Variants in STK4 observed in about 807,000 individuals in gnomAD.
STK4 encodes the protein serine/threonine kinase 4, also known as serine/threonine-protein kinase 4.
A neutral mutation model predicts 64.9 loss-of-function variants in STK4; 30 were observed. The observed-to-expected ratio is 0.46, with a 90% confidence interval of 0.35 to 0.63. The LOEUF (loss-of-function observed/expected upper bound fraction) is 0.63. Among genes scored for constraint, STK4 ranks in the 20% least tolerant of loss-of-function variants. STK4 has a pLI of 0.01. For missense variants in STK4, 466 were observed against 598.5 expected (o/e 0.78, Z 2.31); for synonymous variants, 177 against 199.0 (o/e 0.89, Z 0.93).
intron 1 of STK4, among the ~76,000 whole-genome samples, chr20:44,969,546 A>ATCTGTCTGCTCTATTAACTCC (rs11275953): frequency 0.062 from 9,365 of 152,140 alleles, 969 homozygotes; most frequent in African/African-American, 0.21. Flanking sequence ...TTGGTGTCTC[A>ATCTGTCTGCTCTATTAACTCC]TATAGGAGTT....
chr20:44,973,452 C>T (rs1221900585), intron 2 of STK4: 1 of 152,190 alleles, frequency 6.6e-6, no homozygotes, highest in Non-Finnish European at 1.5e-5. Context: ...AAATGACAGT[C>T]CCTCTACATC....
chr20:45,047,006 A>G (rs751134883), intron 10 of STK4, among the ~76,000 whole-genome samples: 2 of 152,178 alleles, frequency 1.3e-5, no homozygotes, highest in Non-Finnish European at 2.9e-5. Flanking sequence ...CTCCAGTGTT[A>G]GATAATGAAT....
chr20:45,023,767 A>G (rs749885195), intron 9 of STK4, among the ~76,000 whole-genome samples: 2 of 152,086 alleles, frequency 1.3e-5, no homozygotes, highest in Admixed American at 1.3e-4. Context: ...GCTTTTCTCC[A>G]GGATGGTTTG....
intron 10 of STK4, among the ~76,000 whole-genome samples, chr20:45,027,777 C>G (rs2068378265): frequency 6.6e-6 from 1 of 152,122 alleles, no homozygotes; most frequent in Non-Finnish European, 1.5e-5. Context: ...ACCTCTTTCC[C>G]AGCCACTGCT....
chr20:45,023,092 C>T (rs1210851), intron 9 of STK4, among the ~76,000 whole-genome samples: 1 of 152,160 alleles, frequency 6.6e-6, no homozygotes. Flanking sequence ...TTTCTTGGGA[C>T]CGTGTCTCAC....
intron 4 of STK4, among the ~76,000 whole-genome samples, chr20:44,984,237 C>T (rs1390293164): frequency 7.5e-6 from 1 of 133,938 alleles, no homozygotes; most frequent in East Asian, 2.3e-4. Flanking sequence ...CTCTGTTGCC[C>T]AGGCTGGAGT....
In STK4 at chr20:45,057,591, A is replaced by T. The variant is rs368241282; in HGVS notation, c.1306-17427A>T. The stretch of plus-strand genomic sequence containing the variant: ...ATTCTCCCCTCTCCCAGTCATTGGA[A>T]TCATAGATTCCAAGTTGTAAGTCAG... On this transcript the variant is annotated intron_variant, in intron 10 of 10. Transcript: ENST00000372806. Among the ~76,000 whole-genome samples, 4 of 152,300 alleles carry T rather than the reference A, an allele frequency of 2.6e-5. No individual in the cohort carries two copies. The South Asian group carries it at 8.3e-4, about 32-fold the overall frequency.
At chr20:45,008,105 AG>A (rs1299193257) in intron 9 of STK4, among the ~76,000 whole-genome samples, 7 of 152,152 alleles carry the variant, frequency 4.6e-5, no homozygotes, top group African/African-American at 1.7e-4. Context: ...CCCAGGCTGG[AG>A]TGCGTTGGCA....
chr20:45,000,041 T>A (rs2067807159), intron 7 of STK4, among the ~76,000 whole-genome samples: 1 of 152,244 alleles, frequency 6.6e-6, no homozygotes, highest in African/African-American at 2.4e-5. Context: ...AAATTGCTAA[T>A]GTCCCATGCC....
rs71197585 is a variant in STK4, at chr20:44,971,665, CTT to C, written c.36-389_36-388del. ...AATCTACAGCATTTCAGCCACATGACTTTTTTTTTTTTTTTTTTTTTTTTTGA... is the reference window on the plus strand; with the variant it reads ...AATCTACAGCATTTCAGCCACATGACTTTTTTTTTTTTTTTTTTTTTTTGA... On this transcript the variant is annotated intron_variant, in intron 1 of 10. Coordinates refer to ENST00000372806, the MANE Select transcript of STK4 (RefSeq NM_006282.5). Among the ~76,000 whole-genome samples, 573 of 90,254 alleles carry C rather than the reference CTT, an allele frequency of 6.3e-3. 1 individual carries two copies. Among genetic ancestry groups the C allele is most frequent in the South Asian group, 0.034 (92 of 2,694 alleles). The allele number at this position is 90,254 out of a possible 152,430, so 59.2% of individuals were successfully genotyped here.
At chr20:45,033,914 C>T (rs1198173078) in intron 10 of STK4, among the ~76,000 whole-genome samples, 7 of 151,990 alleles carry the variant, frequency 4.6e-5, no homozygotes, top group Admixed American at 2.6e-4. Context: ...AATCAGGCCA[C>T]GTTACCTGAC....
chr20:45,071,707 T>C (rs16989654), intron 10 of STK4, among the ~76,000 whole-genome samples: 4,255 of 152,344 alleles, frequency 0.028, 186 homozygotes, highest in African/African-American at 0.092. Flanking sequence ...GAATCATGTT[T>C]ATCAAACTTG....
chr20:44,996,340 C>T (rs1483488770), intron 6 of STK4, among the ~76,000 whole-genome samples: 1 of 152,092 alleles, frequency 6.6e-6, no homozygotes, highest in Non-Finnish European at 1.5e-5. Flanking sequence ...CACCCCCCCG[C>T]CAACCCTGCC....
chr20:44,969,108 C>CAT (rs1283410836), intron 1 of STK4, among the ~76,000 whole-genome samples: 1 of 152,158 alleles, frequency 6.6e-6, no homozygotes, highest in Non-Finnish European at 1.5e-5. Flanking sequence ...AGGGCATGCC[C>CAT]ATATGACCTC....
intron 10 of STK4, among the ~76,000 whole-genome samples, chr20:45,048,765 A>G (rs2068733929): frequency 1.3e-5 from 2 of 152,242 alleles, no homozygotes; most frequent in East Asian, 3.9e-4. Flanking sequence ...TACAGGCGTG[A>G]GCCACCATGC....
intron 10 of STK4, among the ~76,000 whole-genome samples, chr20:45,069,852 A>T (rs543931163): frequency 6.6e-6 from 1 of 152,380 alleles, no homozygotes; most frequent in East Asian, 1.9e-4. Context: ...TCCTAGTAAG[A>T]GAGACAAGTA....
intron 7 of STK4, 73 bp downstream of exon 7, chr20:44,997,379 C>G (rs2067753685): frequency 3.3e-6 from 5 of 1,515,552 alleles, no homozygotes; most frequent in Admixed American, 4.5e-5. Context: ...ATGAGGTCAC[C>G]TACGTGGAGA....
chr20:45,055,486 C>T lies in STK4; in HGVS notation c.1306-19532C>T, dbSNP rs575659415. Among the ~76,000 whole-genome samples the T allele has an allele frequency of 1.6e-3, 238 of 150,536 alleles. 2 individuals carry two copies. The South Asian group carries it at 0.024, about 15-fold the overall frequency. ...TTTTCATTCCTGTTATTTGTTTCTT[C>T]TTTTTTTTCCGGGGGGTGGGGATCA... On this transcript the variant is annotated intron_variant, in intron 10 of 10. Transcript: ENST00000372806.
intron 10 of STK4, among the ~76,000 whole-genome samples, chr20:45,072,587 G>T (rs1322184075): frequency 6.6e-6 from 1 of 152,184 alleles, no homozygotes; most frequent in Non-Finnish European, 1.5e-5. Context: ...AGTAGCCTAT[G>T]TGCCTCGAAT....
Sources: gnomAD v4.1 joint callset for allele counts (sites outside exome capture counted in the v4.1 genomes callset) on GRCh38, gnomAD v4.1.1 for gene constraint, MANE v1.5 for transcripts, NCBI Gene and HGNC (gene_info 2026-07-23, HGNC 2026-07-21) for gene names.